SLC38A12: variants seen among roughly 807,000 people sequenced by gnomAD.
The protein encoded by SLC38A12 is solute carrier family 38 member 12, also known as putative sodium-coupled neutral amino acid transporter 12.
the SLC38A12 span, chr17:74,776,509 G>C: frequency 6.6e-6 from 1 of 152,356 alleles, no homozygotes; most frequent in African/African-American, 2.4e-5. Flanking sequence ...GGAAGCTGGT[G>C]CTGGACAGCT....
chr17:74,785,973 A>G, the SLC38A12 span, among the ~76,000 whole-genome samples: 33 of 152,268 alleles, frequency 2.2e-4, no homozygotes, highest in Admixed American at 6.5e-4. Context: ...ACCCAGCCAC[A>G]GAAAAAAGAT....
At chr17:74,813,494 T>C in the SLC38A12 span, among the ~76,000 whole-genome samples, 5 of 152,180 alleles carry the variant, frequency 3.3e-5, no homozygotes, top group Non-Finnish European at 7.4e-5. Flanking sequence ...TGTTTTGTTT[T>C]GTTTTGTTTT....
the SLC38A12 span, chr17:74,839,442 G>A: frequency 1.4e-5 from 4 of 282,460 alleles, no homozygotes; most frequent in Non-Finnish European, 2.7e-5. Flanking sequence ...TCCCAAGCAA[G>A]GGTGACCCAT....
At chr17:74,788,472 G>A in the SLC38A12 span, among the ~76,000 whole-genome samples, 1 of 152,146 alleles carries the variant, frequency 6.6e-6, no homozygotes, top group South Asian at 2.1e-4. Context: ...GCCCCCAACA[G>A]CCCCTCCTGG....
At chr17:74,838,890 G>A in the SLC38A12 span, 3 of 1,535,076 alleles carry the variant, frequency 2.0e-6, no homozygotes, top group Non-Finnish European at 2.6e-6. Context: ...TTTGCAGATG[G>A]GCCCCCGGGG....
At chr17:74,826,362 A>G in the SLC38A12 span, among the ~76,000 whole-genome samples, 1 of 152,140 alleles carries the variant, frequency 6.6e-6, no homozygotes, top group African/African-American at 2.4e-5. Context: ...GGGCTAAATA[A>G]TTTAGCCACA....
At chr17:74,807,567 C>A in the SLC38A12 span, among the ~76,000 whole-genome samples, 1 of 152,188 alleles carries the variant, frequency 6.6e-6, no homozygotes, top group African/African-American at 2.4e-5. Flanking sequence ...TCCCAGTGGG[C>A]GGGTCATCCT....
At chr17:74,788,641 CAAGTA>C in the SLC38A12 span, 1 of 608,616 alleles carries the variant, frequency 1.6e-6, no homozygotes, top group Non-Finnish European at 2.8e-6. Context: ...ACCTTTTTAC[CAAGTA>C]AAGCCCATCT....
chr17:74,801,411 T>A, the SLC38A12 span, among the ~76,000 whole-genome samples: 2 of 152,240 alleles, frequency 1.3e-5, no homozygotes, highest in African/African-American at 4.8e-5. Flanking sequence ...AGCTTTGGTG[T>A]GGGGTTGTGA....
chr17:74,839,168 C>A, the SLC38A12 span: 1 of 1,505,382 alleles, frequency 6.6e-7, no homozygotes. Flanking sequence ...CAGCTGCCAG[C>A]TTATAGATGG....
chr17:74,807,975 C>G, the SLC38A12 span, among the ~76,000 whole-genome samples: 1 of 152,268 alleles, frequency 6.6e-6, no homozygotes, highest in Non-Finnish European at 1.5e-5. Flanking sequence ...TCTATAAACC[C>G]TGATGGCTCA....
chr17:74,834,444 C>T, the SLC38A12 span, among the ~76,000 whole-genome samples: 8 of 152,270 alleles, frequency 5.3e-5, no homozygotes, highest in Non-Finnish European at 8.8e-5. Flanking sequence ...CCCTCCTGTC[C>T]CCGACAGTGT....
chr17:74,798,828 C>T, the SLC38A12 span, among the ~76,000 whole-genome samples: 1 of 150,966 alleles, frequency 6.6e-6, no homozygotes, highest in Non-Finnish European at 1.5e-5. Context: ...AACCTTGCCT[C>T]CAGGCTAGGG....
the SLC38A12 span, among the ~76,000 whole-genome samples, chr17:74,831,312 G>C: frequency 6.6e-6 from 1 of 152,236 alleles, no homozygotes; most frequent in African/African-American, 2.4e-5. Flanking sequence ...CCCTGTCTCA[G>C]TGTGCTGTCC....
chr17:74,798,113 A>G, the SLC38A12 span, among the ~76,000 whole-genome samples: 1 of 152,216 alleles, frequency 6.6e-6, no homozygotes. Context: ...TACCCTGCAC[A>G]CAGACCTTGT....
At chr17:74,789,225 C>T in the SLC38A12 span, among the ~76,000 whole-genome samples, 1 of 152,118 alleles carries the variant, frequency 6.6e-6, no homozygotes, top group African/African-American at 2.4e-5. Flanking sequence ...GATACAGATA[C>T]CCTGCAGAAG....
the SLC38A12 span, among the ~76,000 whole-genome samples, chr17:74,827,249 G>A: frequency 6.6e-6 from 1 of 151,810 alleles, no homozygotes; most frequent in Non-Finnish European, 1.5e-5. The surrounding 1 kb of genome is among the most constrained non-coding windows in gnomAD (Gnocchi z 4.7). Flanking sequence ...TTACCAGCAC[G>A]GCACTGCCCT....
At chr17:74,786,264 C>G in the SLC38A12 span, among the ~76,000 whole-genome samples, 1 of 152,166 alleles carries the variant, frequency 6.6e-6, no homozygotes, top group Non-Finnish European at 1.5e-5. Flanking sequence ...GTGCCCCAGG[C>G]CAGGAAGGGG....
chr17:74,795,494 G>A, the SLC38A12 span: 6 of 1,606,812 alleles, frequency 3.7e-6, no homozygotes, highest in Non-Finnish European at 5.1e-6. Context: ...GCCTCGCTGA[G>A]CCTGGGCCTG....
Sources: allele counts gnomAD v4.1 joint callset (sites outside exome capture counted in the v4.1 genomes callset), GRCh38; gene constraint gnomAD v4.1.1; non-coding constraint Gnocchi (gnomAD v3.1); transcripts MANE v1.5; gene names NCBI Gene and HGNC (gene_info 2026-07-23, HGNC 2026-07-21).